The following KIF1B variants were observed in gnomAD, a reference collection of about 807,000 sequenced individuals.
KIF1B encodes the protein kinesin-like protein KIF1B.
A neutral mutation model predicts 241.9 loss-of-function variants in KIF1B; 76 were observed. The ratio of observed to expected loss-of-function variants is 0.31; its 90% CI spans 0.26 to 0.38. The LOEUF (loss-of-function observed/expected upper bound fraction) is 0.38, where lower values mean the gene tolerates loss of function less well. KIF1B is among the 10% of genes least tolerant of loss of function. The pLI is 1.00. For synonymous variants in KIF1B, 750 were observed against 796.7 expected, an observed-to-expected ratio of 0.94 and a Z score of 0.99; for missense variants, 1,622 against 2,271.4, an observed-to-expected ratio of 0.71 and a Z score of 5.81.
chr1:10,225,047 G>A (rs1384535134), intron 1 of KIF1B, among the ~76,000 whole-genome samples: 3 of 152,114 alleles, frequency 2.0e-5, no homozygotes, highest in Non-Finnish European at 4.4e-5. Context: ...TGATGCCATC[G>A]CTGATCTCAC....
In KIF1B at chr1:10,303,313, G is replaced by C. The variant is rs138511563; in HGVS notation, c.2115+6067G>C. ...CCTCCCAAGCAGTGGGAAGAAACGT[G>C]AACCAATTAAAATGTATCAGATACC... is the stretch of plus-strand genomic sequence containing the variant. On this transcript the variant is annotated intron_variant, in intron 22 of 48. Coordinates refer to ENST00000676179, the MANE Select transcript of KIF1B (RefSeq NM_001365951.3). The surrounding 1 kb of genome is among the most constrained non-coding windows in gnomAD (Gnocchi z 5.2). 13 of 1,614,154 alleles carry C rather than the reference G, an allele frequency of 8.1e-6. No homozygotes were observed. The East Asian group carries it at 2.9e-4, about 36-fold the overall frequency.
At chr1:10,356,845 A>G (rs1638264426) in intron 38 of KIF1B, among the ~76,000 whole-genome samples, 1 of 152,018 alleles carries the variant, frequency 6.6e-6, no homozygotes, top group Non-Finnish European at 1.5e-5. Context: ...GGTTGCAGTG[A>G]GCCAAGATCG....
At chr1:10,229,393 C>G (rs1303436968) in intron 1 of KIF1B, among the ~76,000 whole-genome samples, 1 of 152,102 alleles carries the variant, frequency 6.6e-6, no homozygotes, top group Admixed American at 6.6e-5. Flanking sequence ...TTCATTTCAT[C>G]AACATTTACT....
Position 10,296,613 on chromosome 1 carries a change from A to C in KIF1B, c.1809A>C (p.Ser603=). ...TGACCTTAGAGCCCTGTGAGCGCTC[A>C]GAAACCTACGTAAATGGCAAGAGGG... The part of the protein sequence containing the change: ...VIVTLEPCER[S]ETYVNGKRVS... Residue 603 remains serine (S), a synonymous_variant, in exon 20 of 49, where the codon TCA becomes TCC. Coordinates refer to ENST00000676179, the MANE Select transcript of KIF1B (RefSeq NM_001365951.3). 1 of 1,614,098 alleles carries C rather than the reference A, an allele frequency of 6.2e-7. No homozygotes were observed.
At chr1:10,254,363 T>C (rs2102177519) in intron 2 of KIF1B, among the ~76,000 whole-genome samples, 1 of 152,308 alleles carries the variant, frequency 6.6e-6, no homozygotes, top group East Asian at 1.9e-4. Flanking sequence ...TTACTGAGCA[T>C]CTACTTTATA....
At chr1:10,247,651 A>T (rs904883367) in intron 2 of KIF1B, among the ~76,000 whole-genome samples, 2 of 152,232 alleles carry the variant, frequency 1.3e-5, no homozygotes, top group Admixed American at 6.5e-5. Flanking sequence ...CACTATTATT[A>T]ATATGCCCAT....
rs1052687948 is a variant in KIF1B, at chr1:10,295,308, C to T, written c.1670+143C>T. ...AATAGTTACAAACTATGCTCTCTTTCCAAATAATGTGTTTTTGCCACTGGA... is the reference window on the plus strand; with the variant it reads ...AATAGTTACAAACTATGCTCTCTTTTCAAATAATGTGTTTTTGCCACTGGA... On this transcript the variant is annotated intron_variant, in intron 18 of 48. Coordinates refer to ENST00000676179, the MANE Select transcript of KIF1B (RefSeq NM_001365951.3). 7 of 684,080 alleles carry T rather than the reference C, an allele frequency of 1.0e-5. No homozygotes were observed. In the African/African-American group the frequency reaches 1.1e-4, roughly 10 times the overall value. 42.4% of individuals were successfully genotyped at this position (684,080 alleles called of 1,614,324 possible).
At position 10,377,811 on chromosome 1, in the gene KIF1B, C is replaced by G. The variant is rs998980655; in HGVS notation, c.*1224C>G. On this transcript the variant is annotated 3_prime_UTR_variant, in exon 49 of 49. Coordinates refer to ENST00000676179, the MANE Select transcript of KIF1B (RefSeq NM_001365951.3). The stretch of plus-strand genomic sequence containing the variant: ...ATTAGTCGGGTATGGTGGCACATGC[C>G]TGTAATTCCAGCTGCTTGGGAGCCT... 5.4e-6 allele frequency: 1 copy of G among 183,992 alleles called. No individual in the cohort carries two copies. The highest frequency in any genetic ancestry group is 2.4e-5 in the African/African-American group (1 of 42,516). 11.4% of individuals were successfully genotyped at this position (183,992 alleles called of 1,614,324 possible). A position where few individuals can be genotyped will look rare whatever the true frequency, so the allele number is the denominator to read the frequency against.
chr1:10,287,962 C>T (rs781264027), intron 15 of KIF1B, among the ~76,000 whole-genome samples: 7 of 152,046 alleles, frequency 4.6e-5, no homozygotes, highest in African/African-American at 9.7e-5. Flanking sequence ...TTGTTTAGGT[C>T]GGGTGCATCC....
At chr1:10,333,585 G>A (rs187338996) in intron 27 of KIF1B, among the ~76,000 whole-genome samples, 5 of 151,788 alleles carry the variant, frequency 3.3e-5, no homozygotes, top group East Asian at 3.9e-4. Flanking sequence ...CCAGGTACTC[G>A]GGAGGCTGAG....
intron 1 of KIF1B, among the ~76,000 whole-genome samples, chr1:10,213,712 A>C (rs755510215): frequency 6.6e-5 from 10 of 152,324 alleles, no homozygotes; most frequent in Non-Finnish European, 1.5e-5. Context: ...TCGTTTGAAC[A>C]GGTACTGGTG....
chr1:10,258,087 C>T (rs1019604039), intron 3 of KIF1B, among the ~76,000 whole-genome samples: 3 of 152,136 alleles, frequency 2.0e-5, no homozygotes, highest in Non-Finnish European at 4.4e-5. Context: ...GAGAAATAGT[C>T]CCAGTAGCTG....
intron 15 of KIF1B, among the ~76,000 whole-genome samples, chr1:10,286,729 A>C (rs933021730): frequency 2.6e-5 from 4 of 152,242 alleles, no homozygotes; most frequent in African/African-American, 7.2e-5. Context: ...GTGCTATACA[A>C]ATAACTAGAG....
chr1:10,305,592 T>A, intron 22 of KIF1B: 1 of 1,058,386 alleles, frequency 9.4e-7, no homozygotes, highest in Non-Finnish European at 1.1e-6. Context: ...GATGAAATAG[T>A]GAAATAAAAG....
chr1:10,239,474 A>G (rs1204209976), intron 2 of KIF1B, among the ~76,000 whole-genome samples: 1 of 152,064 alleles, frequency 6.6e-6, no homozygotes, highest in Non-Finnish European at 1.5e-5. Context: ...ATTTTGTAAT[A>G]TGGGTATATT....
At chr1:10,290,053 C>A (rs1433168986) in intron 15 of KIF1B, among the ~76,000 whole-genome samples, 1 of 152,038 alleles carries the variant, frequency 6.6e-6, no homozygotes, top group Admixed American at 6.5e-5. Context: ...ATGAATAAAT[C>A]ATCACTTACT....
intron 1 of KIF1B, among the ~76,000 whole-genome samples, chr1:10,231,463 T>G (rs1161735309): frequency 6.7e-6 from 1 of 150,160 alleles, no homozygotes; most frequent in African/African-American, 2.5e-5. Context: ...TCAGGTTCAT[T>G]GCAGCCTCCA....
chr1:10,237,478 C>A (rs1321849752), intron 2 of KIF1B, among the ~76,000 whole-genome samples: 3 of 152,166 alleles, frequency 2.0e-5, no homozygotes, highest in African/African-American at 7.2e-5. Flanking sequence ...TTTTTACCCA[C>A]AAATTGTCTC....
chr1:10,333,364 C>T (rs987303339), intron 27 of KIF1B, among the ~76,000 whole-genome samples: 3 of 150,082 alleles, frequency 2.0e-5, no homozygotes, highest in African/African-American at 7.4e-5. Flanking sequence ...GAGTGAAACT[C>T]CATCTCAAAA....
Sources: allele counts gnomAD v4.1 joint callset (sites outside exome capture counted in the v4.1 genomes callset), GRCh38; gene constraint gnomAD v4.1.1; non-coding constraint Gnocchi (gnomAD v3.1); transcripts MANE v1.5; gene names NCBI Gene and HGNC (gene_info 2026-07-23, HGNC 2026-07-21).